DDX60L: variants seen among roughly 807,000 people sequenced by gnomAD.
DDX60L encodes probable ATP-dependent RNA helicase DDX60-like.
A neutral mutation model predicts 211.6 loss-of-function variants in DDX60L; 191 were observed. The ratio of observed to expected loss-of-function variants is 0.90; its 90% CI spans 0.80 to 1.02. The LOEUF is 1.02. Ranked by LOEUF, DDX60L falls within the 50% of genes least tolerant of loss-of-function variation. DDX60L has a pLI of 0.00. For synonymous variants in DDX60L, 706 were observed against 694.1 expected, an observed-to-expected ratio of 1.02 and a Z score of -0.27; for missense variants, 2,007 against 1,984.1, an observed-to-expected ratio of 1.01 and a Z score of -0.22.
chr4:168,391,578 G>C lies in DDX60L; in HGVS notation c.3877C>G (p.Gln1293Glu). Residue 1293 changes from glutamine (Q) to glutamate (E), a missense_variant, in exon 29 of 38, where the codon CAA becomes GAA. Transcript: ENST00000682922. ...AAAGCATCCAGATAGACTGAGTCTT[G>C]GGCAAAAACAACAGATTTGCATGGC... The part of the protein sequence containing the change: ...HMPCKSVVFA[Q>E]DSVYLDALNY... 2 of 1,608,682 alleles carry C rather than the reference G, an allele frequency of 1.2e-6. No homozygotes were observed. The highest frequency in any genetic ancestry group is 1.7e-6 in the Non-Finnish European group (2 of 1,177,158).
intron 14 of DDX60L, among the ~76,000 whole-genome samples, chr4:168,426,117 G>A (rs1751408299): frequency 6.6e-6 from 1 of 152,116 alleles, no homozygotes; most frequent in African/African-American, 2.4e-5. Context: ...AGGACTGCAG[G>A]TGCTATTGGG....
chr4:168,407,512 T>G (rs1224979196), intron 22 of DDX60L, among the ~76,000 whole-genome samples: 1 of 152,036 alleles, frequency 6.6e-6, no homozygotes, highest in East Asian at 1.9e-4. Flanking sequence ...AAGAAAAAAA[T>G]TAAAGATGAG....
intron 26 of DDX60L, among the ~76,000 whole-genome samples, chr4:168,400,494 G>A (rs565374443): frequency 6.6e-6 from 1 of 152,240 alleles, no homozygotes; most frequent in South Asian, 2.1e-4. Flanking sequence ...TAGTGAATAA[G>A]CGTTCTACAG....
At chr4:168,474,554 A>C (rs1759232006) in intron 1 of DDX60L, among the ~76,000 whole-genome samples, 5 of 152,204 alleles carry the variant, frequency 3.3e-5, no homozygotes, top group Admixed American at 3.3e-4. Context: ...AATCTATGAA[A>C]TAGGAGCTTG....
chr4:168,436,825 C>T (rs1303850856), intron 10 of DDX60L, among the ~76,000 whole-genome samples: 1 of 152,102 alleles, frequency 6.6e-6, no homozygotes, highest in Non-Finnish European at 1.5e-5. Context: ...ACAATGATTC[C>T]ATTGAACTAG....
At chr4:168,367,712 C>T (rs1266877299) in intron 36 of DDX60L, among the ~76,000 whole-genome samples, 1 of 152,110 alleles carries the variant, frequency 6.6e-6, no homozygotes, top group Non-Finnish European at 1.5e-5. Flanking sequence ...AATGGCTTTG[C>T]CCAAAATGCT....
intron 8 of DDX60L, among the ~76,000 whole-genome samples, chr4:168,449,665 A>AAAAAAAAAAAAAAAAAACAAAAAAAT (rs1755474696): frequency 3.5e-5 from 1 of 28,500 alleles, no homozygotes; most frequent in Non-Finnish European, 6.0e-5. Context: ...AAAAAAAAAA[A>AAAAAAAAAAAAAAAAAACAAAAAAAT]GAAAAAAGAA....
chr4:168,387,061 G>A (rs1283124178), intron 29 of DDX60L, among the ~76,000 whole-genome samples: 4 of 152,046 alleles, frequency 2.6e-5, no homozygotes, highest in Non-Finnish European at 4.4e-5. Flanking sequence ...AATAGAATAC[G>A]GGCAAATCAT....
intron 7 of DDX60L, among the ~76,000 whole-genome samples, chr4:168,453,869 AT>A (rs1204121657): frequency 1.3e-5 from 2 of 152,182 alleles, no homozygotes; most frequent in Admixed American, 6.5e-5. Context: ...CAATATGTTC[AT>A]TTTTTTAAAT....
chr4:168,460,621 CA>C (rs369819054), intron 5 of DDX60L, among the ~76,000 whole-genome samples: 11,901 of 145,530 alleles, frequency 0.082, 508 homozygotes, highest in South Asian at 0.098. Context: ...ATAACACTAA[CA>C]AAAAAAAAAA....
intron 3 of DDX60L, 126 bp from the exon 4 acceptor site, chr4:168,472,062 T>G (rs1758857236): frequency 1.5e-6 from 1 of 671,300 alleles, no homozygotes; most frequent in African/African-American, 1.8e-5. Flanking sequence ...TGATGCCTTT[T>G]CAAATACCTC....
intron 22 of DDX60L, among the ~76,000 whole-genome samples, chr4:168,408,798 C>T (rs1579444040): frequency 6.6e-6 from 1 of 152,146 alleles, no homozygotes; most frequent in Non-Finnish European, 1.5e-5. Context: ...GCAGCTCTTC[C>T]CTTAGCCCAG....
intron 14 of DDX60L, among the ~76,000 whole-genome samples, chr4:168,424,400 A>G (rs1053109016): frequency 6.6e-6 from 1 of 152,192 alleles, no homozygotes; most frequent in Admixed American, 6.5e-5. Flanking sequence ...ATAAAGTCAT[A>G]TAAAGTCTTT....
At chr4:168,445,697 C>A (rs1344220661) in intron 9 of DDX60L, among the ~76,000 whole-genome samples, 1 of 151,468 alleles carries the variant, frequency 6.6e-6, no homozygotes, top group East Asian at 1.9e-4. Context: ...AAGTGGGCTT[C>A]ATCCCTGGGA....
Position 168,384,710 on chromosome 4 carries a change from G to A in DDX60L, c.4018C>T (p.Pro1340Ser). 2 of 1,613,864 alleles carry A rather than the reference G, an allele frequency of 1.2e-6. No homozygotes were observed. Among genetic ancestry groups the A allele is most frequent in the South Asian group, 2.2e-5 (2 of 91,074 alleles). ...KIKRLLASSV[P>S]ELRGQFPLSI... is the part of the protein sequence containing the mutation. ...AGAGGGAACTGTCCTCTCAGCTCAG[G>A]AACACTGGATGCAAGGAGTCTTTTT... Residue 1340 changes from proline (P) to serine (S), a missense_variant, in exon 30 of 38, where the codon CCT becomes TCT. Physicochemically the swap from Pro to Ser is moderately conservative, Grantham distance 74. Coordinates refer to ENST00000682922, the MANE Select transcript of DDX60L (RefSeq NM_001012967.3).
intron 31 of DDX60L, 106 bp from the exon 32 acceptor site, chr4:168,379,610 AATG>A (rs1742576876): frequency 8.4e-7 from 1 of 1,186,746 alleles, no homozygotes; most frequent in African/African-American, 1.6e-5. Flanking sequence ...TTTATTAATA[AATG>A]ATAAGTAACA....
intron 12 of DDX60L, 21 bp downstream of exon 12, chr4:168,432,434 T>C: frequency 2.1e-6 from 3 of 1,402,634 alleles, no homozygotes; most frequent in Non-Finnish European, 2.9e-6. Context: ...AGCTCTATTT[T>C]ATCGTGGTTA....
intron 4 of DDX60L, chr4:168,470,106 C>T (rs904724445): frequency 2.0e-5 from 3 of 152,090 alleles, no homozygotes; most frequent in East Asian, 1.9e-4. Flanking sequence ...TTGATAAATA[C>T]CAATTAAAAC....
intron 30 of DDX60L, among the ~76,000 whole-genome samples, chr4:168,382,709 AT>A (rs1447870277): frequency 4.6e-5 from 7 of 152,162 alleles, no homozygotes; most frequent in African/African-American, 1.7e-4. Context: ...TCCACAAAAA[AT>A]ATATAGACAG....
Sources: gnomAD v4.1 joint callset for allele counts (sites outside exome capture counted in the v4.1 genomes callset) on GRCh38, gnomAD v4.1.1 for gene constraint, MANE v1.5 for transcripts, NCBI Gene and HGNC (gene_info 2026-07-23, HGNC 2026-07-21) for gene names.